The following BCAN variants were observed in gnomAD, a reference collection of about 807,000 sequenced individuals.
The protein encoded by BCAN is brevican, also known as brevican core protein.
In BCAN, 51 loss-of-function variants were observed where a neutral mutation model predicts 92.4. The ratio of observed to expected loss-of-function variants is 0.55; its 90% CI spans 0.44 to 0.70. The LOEUF is 0.70. BCAN is among the 30% of genes least tolerant of loss of function. The probability of loss-of-function intolerance (pLI) is 0.00; values close to 1 mark genes in which losing one functional copy is unlikely to be tolerated. For synonymous variants in BCAN, 501 were observed against 505.2 expected (o/e 0.99, Z 0.11); for missense variants, 1,140 against 1,212.1 (o/e 0.94, Z 0.88).
chr1:156,649,002 A>T, intron 6 of BCAN, 141 bp downstream of exon 6: 1 of 1,041,774 alleles, frequency 9.6e-7, no homozygotes, highest in Non-Finnish European at 1.3e-6. Context: ...CCAGCTTGTC[A>T]TCTAGGGTTC....
chr1:156,657,096 A>T lies in BCAN; in HGVS notation c.2209A>T (p.Asn737Tyr), dbSNP rs1262080665. ...STPEEQDFIN[N>Y]RYREYQWIGL... ...ACCCGAGGAACAGGACTTCATCAAC[A>T]GTGGGCTGGGAGACAGGGCGGGAGG... The change falls in exon 10 of 14, where the codon AAC (asparagine) becomes TAC (tyrosine). Residue 737 changes from asparagine to tyrosine, a missense_variant and splice_region_variant. By Grantham distance (143) the Asn-to-Tyr change is moderately radical. Around this residue, in one of 3 missense-constraint regions of BCAN, gnomAD observed 825 missense variants for 871.8 expected, o/e 0.95. Coordinates refer to ENST00000329117, the MANE Select transcript of BCAN (RefSeq NM_021948.5). 6.2e-7 allele frequency: 1 copy of T among 1,611,314 alleles called. No homozygotes were observed. The highest frequency in any genetic ancestry group is 1.3e-5 in the African/African-American group (1 of 75,020).
chr1:156,646,071 T>C lies in BCAN; in HGVS notation c.17T>C (p.Leu6Pro). 2.5e-6 allele frequency: 4 copies of C among 1,613,528 alleles called. No individual in the cohort carries two copies. Among genetic ancestry groups the C allele is most frequent in the Non-Finnish European group, 3.4e-6 (4 of 1,179,496 alleles). Residue 6 changes from leucine (L) to proline (P), a missense_variant, in exon 2 of 14, where the codon CTG becomes CCG. Coordinates refer to ENST00000329117, the MANE Select transcript of BCAN (RefSeq NM_021948.5). ...GCCTGCAGCATGGCCCAGCTGTTCC[T>C]GCCCCTGCTGGCAGCCCTGGTCCTG... Reference protein sequence around the residue: MAQLFLPLLAALVLAQ... With the variant: MAQLFPPLLAALVLAQ...
intron 6 of BCAN, 71 bp downstream of exon 6, chr1:156,648,932 C>G (rs1571442200): frequency 6.8e-7 from 1 of 1,470,066 alleles, no homozygotes. Flanking sequence ...AAGTCCTACC[C>G]CAGTCTGATC....
At chr1:156,653,344 A>C in intron 8 of BCAN, 1 of 1,036,168 alleles carries the variant, frequency 9.7e-7, no homozygotes, top group Non-Finnish European at 1.2e-6. Flanking sequence ...TCACCCCTCA[A>C]CCTCCGGAGT....
rs1679060115 is a variant in BCAN at position 156,648,578 on chromosome 1, C to T, written c.780C>T (p.Phe260=). Residue 260 remains phenylalanine, a synonymous_variant, in exon 6 of 14, where the codon TTC becomes TTT. Transcript: ENST00000329117. ...CYAEDLNGEL[F]LGDPPEKLTL... is the part of the protein sequence containing the mutation. ...CTCTTCTCCACCCAGGAGAACTGTT[C>T]CTGGGTGACCCTCCAGAGAAGCTGA... 1 of 1,591,970 alleles carries T rather than the reference C, an allele frequency of 6.3e-7. No individual in the cohort carries two copies. Among genetic ancestry groups the T allele is most frequent in the Non-Finnish European group, 8.6e-7 (1 of 1,162,270 alleles).
At chr1:156,657,644 C>A in intron 10 of BCAN, 31 bp from the exon 11 acceptor site, 2 of 1,577,760 alleles carry the variant, frequency 1.3e-6, no homozygotes, top group Non-Finnish European at 1.7e-6. Flanking sequence ...CTGCTGGCGG[C>A]TGCGCTCACT....
At chr1:156,652,198 T>G (rs201162583) in intron 7 of BCAN, 50 bp from the exon 8 acceptor site, 1 of 1,537,402 alleles carries the variant, frequency 6.5e-7, no homozygotes, top group Non-Finnish European at 8.7e-7. Flanking sequence ...TTCCTTTCGG[T>G]CCTTGGACAG....
chr1:156,653,545 C>T, intron 8 of BCAN: 1 of 984,920 alleles, frequency 1.0e-6, no homozygotes. Context: ...ATGGGGAGCA[C>T]TTGGATGCTT....
intron 7 of BCAN, 74 bp downstream of exon 7, chr1:156,651,763 A>C: frequency 7.5e-7 from 1 of 1,326,872 alleles, no homozygotes; most frequent in South Asian, 1.4e-5. Flanking sequence ...GCCCAGGTTG[A>C]TGCTAGGGTG....
intron 6 of BCAN, chr1:156,649,799 G>C: frequency 2.0e-6 from 1 of 501,508 alleles, no homozygotes; most frequent in Non-Finnish European, 4.0e-6. Context: ...CAATAAGAGA[G>C]GCATTGCCAT....
intron 5 of BCAN, 92 bp downstream of exon 5, chr1:156,648,202 C>A: frequency 6.6e-7 from 1 of 1,514,284 alleles, no homozygotes; most frequent in Admixed American, 1.8e-5. Context: ...CTTACTATCC[C>A]TCCTGAGTTT....
chr1:156,657,010 G>C lies in BCAN; in HGVS notation c.2123G>C (p.Ser708Thr), dbSNP rs769310065. The C allele has an allele frequency of 6.2e-7, 1 of 1,614,222 alleles. No individual in the cohort carries two copies. The highest frequency in any genetic ancestry group is 8.5e-7 in the Non-Finnish European group (1 of 1,180,040). ...TACAAGCACTTTTCCACACGAAGGAGCTGGGAGGAGGCAGAGACCCAGTGC... is the reference window on the plus strand; with the variant it reads ...TACAAGCACTTTTCCACACGAAGGACCTGGGAGGAGGCAGAGACCCAGTGC... ...ACYKHFSTRR[S>T]WEEAETQCRM... The change falls in exon 10 of 14, where the codon AGC becomes ACC. Residue 708 changes from serine (S) to threonine (T), a missense_variant. This residue lies in a region of BCAN where 825 missense variants were observed against 871.8 expected (regional missense o/e 0.95). Transcript: ENST00000329117.
rs558967947 is a variant in BCAN at position 156,653,406 on chromosome 1, AT to A, written c.1942+520del. ...CCTTAAGCAACTACTTCTGTGAAGT[AT>A]TTTTTGACTGTTTCATGGAAAACAA... On this transcript the variant is annotated intron_variant, in intron 8 of 13. Coordinates refer to ENST00000329117, the MANE Select transcript of BCAN (RefSeq NM_021948.5). 5.0e-6 allele frequency: 5 copies of A among 998,544 alleles called. No homozygotes were observed. The African/African-American group carries it at 8.7e-5, about 17-fold the overall frequency. 61.9% of individuals were successfully genotyped at this position (998,544 alleles called of 1,614,324 possible). A position where few individuals can be genotyped will look rare whatever the true frequency, so the allele number is the denominator to read the frequency against.
At chr1:156,656,242 C>T in intron 8 of BCAN, 40 bp from the exon 9 acceptor site, 1 of 1,392,642 alleles carries the variant, frequency 7.2e-7, no homozygotes, top group African/African-American at 1.5e-5. Context: ...CAGAGTGCGG[C>T]TGCCTCGCTC....
At position 156,659,008 on chromosome 1, in the gene BCAN, G is replaced by C; in HGVS notation, c.2629-19G>C. 1 of 1,574,362 alleles carries C rather than the reference G, an allele frequency of 6.4e-7. No individual in the cohort carries two copies. Among genetic ancestry groups the C allele is most frequent in the Non-Finnish European group, 8.6e-7 (1 of 1,158,318 alleles). ...AGAAGGAAGAGCCAGGGTGGAGGGT[G>C]AGTGTGTGTCTTCCCCAGGCCCGAG... On this transcript the variant is annotated intron_variant, in intron 13 of 13. Coordinates refer to ENST00000329117, the MANE Select transcript of BCAN (RefSeq NM_021948.5).
intron 8 of BCAN, among the ~76,000 whole-genome samples, chr1:156,655,043 G>A (rs915372811): frequency 6.6e-6 from 1 of 152,242 alleles, no homozygotes; most frequent in Non-Finnish European, 1.5e-5. Flanking sequence ...GTGGACCTTG[G>A]CCATGGCTTC....
rs1384045443 is a variant in BCAN, at chr1:156,647,347, T to C, written c.467-161T>C. 2.7e-6 allele frequency: 3 copies of C among 1,107,518 alleles called. No individual in the cohort carries two copies. Among genetic ancestry groups the C allele is most frequent in the Non-Finnish European group, 3.8e-6 (3 of 791,448 alleles). 68.6% of individuals were successfully genotyped at this position (1,107,518 alleles called of 1,614,324 possible). On this transcript the variant is annotated intron_variant, in intron 3 of 13. Coordinates refer to ENST00000329117, the MANE Select transcript of BCAN (RefSeq NM_021948.5). This position sits in a 1 kb window ranked among gnomAD's most constrained non-coding sequence, Gnocchi z 4.8. ...TTGTTGTCTCCTTTCTCTCTTCAGG[T>C]GGAGGACATTCTACCCACAATCTAA... is the stretch of plus-strand genomic sequence containing the variant.
In BCAN at chr1:156,651,466, G is replaced by A. The variant is rs144857663; in HGVS notation, c.1074G>A (p.Gln358=). 994 of 1,613,714 alleles carry A rather than the reference G, an allele frequency of 6.2e-4. 2 individuals carry two copies. The highest frequency in any genetic ancestry group is 1.5e-3 in the South Asian group (136 of 91,058). ...FNVYCFRDSA[Q]PSAIPEASNP... is the part of the protein sequence containing the mutation. Reference sequence around the variant, plus strand: ...TTCCTCCTGCCACAGACTCGGCCCAGCCTTCTGCCATCCCTGAGGCCTCCA... The same window carrying A: ...TTCCTCCTGCCACAGACTCGGCCCAACCTTCTGCCATCCCTGAGGCCTCCA... Residue 358 remains glutamine (Q), a synonymous_variant, in exon 7 of 14, where the codon CAG becomes CAA. Coordinates refer to ENST00000329117, the MANE Select transcript of BCAN (RefSeq NM_021948.5).
At chr1:156,646,455 T>A (rs1243886350) in intron 2 of BCAN, 1 of 490,932 alleles carries the variant, frequency 2.0e-6, no homozygotes, top group Non-Finnish European at 3.6e-6. Flanking sequence ...GGGAGCAGAC[T>A]GGGAAACTGG....
Sources: gnomAD v4.1 joint callset for allele counts (sites outside exome capture counted in the v4.1 genomes callset) on GRCh38, gnomAD v4.1.1 for gene constraint, gnomAD v4.1.1 regional missense constraint, Gnocchi (gnomAD v3.1) non-coding constraint, MANE v1.5 for transcripts, NCBI Gene and HGNC (gene_info 2026-07-23, HGNC 2026-07-21) for gene names.